Variants in MTCL1 observed in about 807,000 individuals in gnomAD.
MTCL1 encodes the protein microtubule cross-linking factor 1.
A neutral mutation model predicts 141.4 loss-of-function variants in MTCL1; 79 were observed. The observed-to-expected ratio is 0.56, with a 90% CI of 0.47 to 0.67. The LOEUF is 0.67. Among genes scored for constraint, MTCL1 ranks in the 30% least tolerant of loss-of-function variants. The pLI, the probability that MTCL1 is intolerant of heterozygous loss-of-function variation, is 0.00. For missense variants in MTCL1, 2,177 were observed against 2,113.9 expected (o/e 1.03, Z -0.59); for synonymous variants, 914 against 875.8 (o/e 1.04, Z -0.77).
chr18:8,784,455 G>A lies in MTCL1; in HGVS notation c.1343G>A (p.Arg448Gln), dbSNP rs375280275. 1.4e-4 allele frequency: 221 copies of A among 1,539,996 alleles called. 1 individual carries two copies. The highest frequency in any genetic ancestry group is 2.4e-4 in the South Asian group (19 of 78,140). The change falls in exon 6 of 17, where the codon CGG becomes CAG. Residue 448 changes from arginine (R) to glutamine (Q), a missense_variant. By Grantham distance (43) the Arg-to-Gln change is conservative (BLOSUM62 1). Transcript: ENST00000359865. ...TGCCCCACGGAGCTCCTGAAGGCCC[G>A]GGAGGACTCTGAGTACCTAGTGACC...
intron 4 of MTCL1, among the ~76,000 whole-genome samples, chr18:8,736,935 C>T (rs1439791185): frequency 6.6e-6 from 1 of 152,132 alleles, no homozygotes; most frequent in South Asian, 2.1e-4. Context: ...CCACTGCACC[C>T]GGCCTATCCA....
intron 8 of MTCL1, among the ~76,000 whole-genome samples, chr18:8,793,679 C>T (rs1459527698): frequency 1.3e-5 from 2 of 152,210 alleles, no homozygotes; most frequent in Admixed American, 1.3e-4. Flanking sequence ...TCCATGAGAA[C>T]AGCCCAATCC....
chr18:8,731,162 G>A (rs879870030), intron 4 of MTCL1, among the ~76,000 whole-genome samples: 5 of 151,922 alleles, frequency 3.3e-5, no homozygotes, highest in Admixed American at 6.6e-5. Flanking sequence ...GGAGAATGGC[G>A]TGAACCCGGG....
chr18:8,784,763 A>G lies in MTCL1; in HGVS notation c.1651A>G (p.Ser551Gly). The G allele has an allele frequency of 1.2e-6, 2 of 1,614,132 alleles. No individual in the cohort carries two copies. The highest frequency in any genetic ancestry group is 1.7e-6 in the Non-Finnish European group (2 of 1,180,002). ...CTTGCCCCACCTCACAGAGTCCTCT[A>G]GCTTCCTCTCCACTGTGACTTCCGT... The change falls in exon 6 of 17, where the codon AGC (serine) becomes GGC (glycine). Residue 551 changes from serine (S) to glycine (G), a missense_variant. Physicochemically the swap from Ser to Gly is moderately conservative, Grantham distance 56. Transcript: ENST00000359865.
At chr18:8,758,441 T>C (rs1266718929) in intron 4 of MTCL1, among the ~76,000 whole-genome samples, 1 of 152,212 alleles carries the variant, frequency 6.6e-6, no homozygotes, top group East Asian at 1.9e-4. Flanking sequence ...ACACATTTTC[T>C]TCTTCTATGG....
At chr18:8,733,218 G>C (rs868682195) in intron 4 of MTCL1, among the ~76,000 whole-genome samples, 2 of 152,188 alleles carry the variant, frequency 1.3e-5, no homozygotes, top group Non-Finnish European at 2.9e-5. Context: ...GACGAGGCCG[G>C]GGAGTGTTTG....
intron 7 of MTCL1, among the ~76,000 whole-genome samples, chr18:8,791,921 C>G (rs2075741759): frequency 1.3e-5 from 2 of 152,270 alleles, no homozygotes; most frequent in South Asian, 4.1e-4. Context: ...TGTCTCCGTT[C>G]TTCTTTCCTT....
At chr18:8,748,740 T>C (rs1272439481) in intron 4 of MTCL1, among the ~76,000 whole-genome samples, 2 of 152,170 alleles carry the variant, frequency 1.3e-5, no homozygotes, top group East Asian at 1.9e-4. Context: ...AATAGTAATA[T>C]TAACATGAGT....
chr18:8,770,671 A>T (rs943491911), intron 4 of MTCL1, among the ~76,000 whole-genome samples: 1 of 152,172 alleles, frequency 6.6e-6, no homozygotes, highest in African/African-American at 2.4e-5. Context: ...TCCATAACAG[A>T]TGTGTAAAGA....
chr18:8,705,585 A>AAGCCGCCGCCGC, upstream of MTCL1: 1 of 1,137,516 alleles, frequency 8.8e-7, no homozygotes. The surrounding 1 kb of genome is among the most constrained non-coding windows in gnomAD (Gnocchi z 5.2). Flanking sequence ...GGGAGGCTGC[A>AAGCCGCCGCCGC]CGCCGCCGCC....
At chr18:8,829,069 G>A (rs1196994807) in intron 16 of MTCL1, 37 of 1,586,116 alleles carry the variant, frequency 2.3e-5, no homozygotes, top group Middle Eastern at 2.1e-4. Context: ...GCCCGGTGGC[G>A]GTACCCTCGC....
chr18:8,780,763 A>C (rs948071362), intron 5 of MTCL1, among the ~76,000 whole-genome samples: 3 of 152,242 alleles, frequency 2.0e-5, no homozygotes, highest in Non-Finnish European at 4.4e-5. Flanking sequence ...AAAATTGAAA[A>C]GGTGCTTGTG....
At chr18:8,720,452 A>G (rs2096162406) in exon 4 of MTCL1, 1 of 1,614,096 alleles carries the variant, frequency 6.2e-7, no homozygotes, top group Non-Finnish European at 8.5e-7. Context: ...TGAAGTGGAA[A>G]TATCCAAACA....
chr18:8,800,988 G>A (rs554076768), intron 10 of MTCL1, among the ~76,000 whole-genome samples: 2 of 151,490 alleles, frequency 1.3e-5, no homozygotes, highest in South Asian at 4.2e-4. Context: ...TCATATTTAA[G>A]TCTTCACCTG....
chr18:8,819,742 A>C (rs1490789536), intron 13 of MTCL1, among the ~76,000 whole-genome samples: 2 of 151,996 alleles, frequency 1.3e-5, no homozygotes, highest in African/African-American at 4.8e-5. Context: ...AGCTGGGACC[A>C]CAGGCACATG....
intron 4 of MTCL1, among the ~76,000 whole-genome samples, chr18:8,767,304 G>C (rs1298621269): frequency 6.6e-6 from 1 of 152,180 alleles, no homozygotes; most frequent in African/African-American, 2.4e-5. Context: ...TGATGCTTTT[G>C]ATATTTCAGC....
At chr18:8,817,970 C>T (rs187453696) in intron 12 of MTCL1, among the ~76,000 whole-genome samples, 12 of 152,176 alleles carry the variant, frequency 7.9e-5, no homozygotes, top group African/African-American at 2.4e-4. Context: ...GGGAGGGAGG[C>T]CGTGCGCCCT....
At chr18:8,784,718 A>C (rs1183603833) in exon 6 of MTCL1, 4 of 1,614,074 alleles carry the variant, frequency 2.5e-6, no homozygotes, top group Non-Finnish European at 3.4e-6. Flanking sequence ...GGTGAACCGC[A>C]TTGGGGATGG....
intron 1 of MTCL1, among the ~76,000 whole-genome samples, chr18:8,708,098 C>T (rs2096067799): frequency 6.6e-6 from 1 of 152,208 alleles, no homozygotes; most frequent in African/African-American, 2.4e-5. Context: ...GTGGGTGACT[C>T]CATCATGAAA....
Sources: allele counts gnomAD v4.1 joint callset (sites outside exome capture counted in the v4.1 genomes callset), GRCh38; gene constraint gnomAD v4.1.1; non-coding constraint Gnocchi (gnomAD v3.1); transcripts MANE v1.5; gene names NCBI Gene and HGNC (gene_info 2026-07-23, HGNC 2026-07-21).